TACC2: variants seen among roughly 807,000 people sequenced by gnomAD.
TACC2 encodes the protein transforming acidic coiled-coil-containing protein 2.
A neutral mutation model predicts 227.3 loss-of-function variants in TACC2; 137 were observed. The ratio of observed to expected loss-of-function variants is 0.60; its 90% CI spans 0.52 to 0.69. TACC2 has a LOEUF of 0.69. Among genes scored for constraint, TACC2 ranks in the 30% least tolerant of loss-of-function variants. TACC2 has a pLI of 0.00. For synonymous variants in TACC2, 1,523 were observed against 1,487.5 expected (o/e 1.02, Z -0.55); for missense variants, 3,470 against 3,694.4 (o/e 0.94, Z 1.57).
chr10:122,037,256 A>C (rs1274944610), intron 2 of TACC2, among the ~76,000 whole-genome samples: 3 of 152,260 alleles, frequency 2.0e-5, no homozygotes, highest in African/African-American at 7.2e-5. Flanking sequence ...TGAGCTGTGC[A>C]GCCAGGGAGC....
chr10:122,230,334 A>C lies in TACC2; in HGVS notation c.8038-17A>C, dbSNP rs757403932. ...TGATGCATTTCCCTGCGGTTTGCCCACACTCCCTGTGGGCAGGAGGAGTTA... is the reference window on the plus strand; with the variant it reads ...TGATGCATTTCCCTGCGGTTTGCCCCCACTCCCTGTGGGCAGGAGGAGTTA... On this transcript the variant is annotated splice_polypyrimidine_tract_variant and intron_variant, in intron 15 of 22. Coordinates refer to ENST00000369005, the MANE Select transcript of TACC2 (RefSeq NM_206862.4). 3.1e-6 allele frequency: 5 copies of C among 1,610,920 alleles called. No homozygotes were observed. The African/African-American group carries it at 6.7e-5, about 22-fold the overall frequency.
At chr10:122,052,419 A>AAG in intron 3 of TACC2, 3 of 152,046 alleles carry the variant, frequency 2.0e-5, no homozygotes, top group African/African-American at 7.2e-5. Flanking sequence ...AGCATAAAAG[A>AAG]GGTGCCCGTA....
chr10:122,082,562 G>C, intron 3 of TACC2, 85 bp from the exon 4 acceptor site: 1 of 1,465,174 alleles, frequency 6.8e-7, no homozygotes, highest in Middle Eastern at 2.0e-4. Context: ...GCCCTTTTGT[G>C]GGGGTGGGTT....
At chr10:122,057,684 G>A (rs1280259407) in intron 3 of TACC2, among the ~76,000 whole-genome samples, 3 of 152,004 alleles carry the variant, frequency 2.0e-5, no homozygotes, top group Non-Finnish European at 4.4e-5. Context: ...GCCAGGCATG[G>A]TGGTGGGCAC....
rs970841659 is a variant in TACC2, at chr10:122,016,545, C to T, written c.-45-5392C>T. Among the ~76,000 whole-genome samples, 7 of 144,012 alleles carry T rather than the reference C, an allele frequency of 4.9e-5. No individual in the cohort carries two copies. The Admixed American group carries it at 5.0e-4, about 10-fold the overall frequency. 94.5% of individuals were successfully genotyped at this position (144,012 alleles called of 152,430 possible). A position where few individuals can be genotyped will look rare whatever the true frequency, so the allele number is the denominator to read the frequency against. On this transcript the variant is annotated intron_variant, in intron 1 of 22. Coordinates refer to ENST00000369005, the MANE Select transcript of TACC2 (RefSeq NM_206862.4). ...TTGCACCACTGTACTCCAGCCTGGA[C>T]GACAGAATGAGACTCTGTCTTAAAA...
chr10:122,231,363 G>C (rs1306736543), intron 16 of TACC2, among the ~76,000 whole-genome samples: 1 of 146,604 alleles, frequency 6.8e-6, no homozygotes, highest in African/African-American at 2.5e-5. Flanking sequence ...CTGTGGCTTT[G>C]AACAAGTAGG....
intron 19 of TACC2, among the ~76,000 whole-genome samples, chr10:122,244,160 C>T (rs978326796): frequency 6.6e-6 from 1 of 152,182 alleles, no homozygotes; most frequent in Non-Finnish European, 1.5e-5. Flanking sequence ...GTTAGGGCCA[C>T]ACATCACCCC....
chr10:122,025,445 T>G (rs1224136772), intron 2 of TACC2, among the ~76,000 whole-genome samples: 1 of 151,964 alleles, frequency 6.6e-6, no homozygotes, highest in Non-Finnish European at 1.5e-5. Flanking sequence ...GTATTTTTAG[T>G]AGAGACGAGG....
At position 122,085,722 on chromosome 10, in the gene TACC2, G is replaced by C. The variant is rs755777292; in HGVS notation, c.3222G>C (p.Gln1074His). Residue 1074 changes from glutamine (Q) to histidine (H), a missense_variant, in exon 4 of 23, where the codon CAG becomes CAC. Transcript: ENST00000369005. ...APASPGVTPT[Q>H]DAPETEACDE... Reference sequence around the variant, plus strand: ...CCAGCCCCGGAGTCACACCCACCCAGGATGCCCCAGAGACAGAGGCATGTG... The same window carrying C: ...CCAGCCCCGGAGTCACACCCACCCACGATGCCCCAGAGACAGAGGCATGTG... 3 of 1,613,828 alleles carry C rather than the reference G, an allele frequency of 1.9e-6. No homozygotes were observed. The South Asian group carries it at 3.3e-5, about 18-fold the overall frequency.
intron 7 of TACC2, among the ~76,000 whole-genome samples, chr10:122,192,134 A>G (rs949125613): frequency 1.3e-5 from 2 of 152,224 alleles, no homozygotes; most frequent in Non-Finnish European, 2.9e-5. Flanking sequence ...CAAGACAGGC[A>G]GCACCGGAAG....
At chr10:122,007,232 GATTT>G (rs1174247657) in intron 1 of TACC2, among the ~76,000 whole-genome samples, 1 of 151,904 alleles carries the variant, frequency 6.6e-6, no homozygotes, top group Admixed American at 6.6e-5. Flanking sequence ...GGTGCCTTAT[GATTT>G]ATTTATTTCT....
At position 122,086,543 on chromosome 10, in the gene TACC2, C is replaced by A; in HGVS notation, c.4043C>A (p.Ala1348Glu). 1 of 1,607,936 alleles carries A rather than the reference C, an allele frequency of 6.2e-7. No individual in the cohort carries two copies. Among genetic ancestry groups the A allele is most frequent in the Non-Finnish European group, 8.5e-7 (1 of 1,176,852 alleles). Reference sequence around the variant, plus strand: ...CAGGCAACAGGGGAAGAGAAAGCAGCAACAGCTCCAGGTGCAGGTGCCAAG... The same window carrying A: ...CAGGCAACAGGGGAAGAGAAAGCAGAAACAGCTCCAGGTGCAGGTGCCAAG... Reference protein sequence around the residue: ...GKQATGEEKAATAPGAGAKAS... With the variant: ...GKQATGEEKAETAPGAGAKAS... Residue 1348 changes from alanine (A) to glutamate (E), a missense_variant, in exon 4 of 23, where the codon GCA (alanine) becomes GAA (glutamate). By Grantham distance (107) the Ala-to-Glu change is moderately radical. Around this residue, in one of 10 missense-constraint regions of TACC2, gnomAD observed 1,924 missense variants for 1,978.3 expected, o/e 0.97. Coordinates refer to ENST00000369005, the MANE Select transcript of TACC2 (RefSeq NM_206862.4).
intron 3 of TACC2, among the ~76,000 whole-genome samples, chr10:122,074,771 G>A (rs1476405575): frequency 6.6e-6 from 1 of 152,174 alleles, no homozygotes; most frequent in Non-Finnish European, 1.5e-5. Context: ...CTAGGTGACT[G>A]CAGAAGCTTA....
In TACC2 at chr10:122,210,491, C is replaced by T. The variant is rs769483248; in HGVS notation, c.6066C>T (p.Ala2022=). 9.9e-6 allele frequency: 16 copies of T among 1,613,892 alleles called. No individual in the cohort carries two copies. The highest frequency in any genetic ancestry group is 1.3e-5 in the African/African-American group (1 of 74,918). The change falls in exon 9 of 23, where the codon GCC becomes GCT. Residue 2022 remains alanine, a synonymous_variant. Coordinates refer to ENST00000369005, the MANE Select transcript of TACC2 (RefSeq NM_206862.4). This position sits in a 1 kb window ranked among gnomAD's most constrained non-coding sequence, Gnocchi z 4.6. ...PFRPPSHSFS[A]VFDEDKPIAS... is the part of the protein sequence containing the mutation. ...GTCCCCCGTCACACTCCTTCTCTGC[C>T]GTCTTCGATGAAGACAAGCCGATAG...
chr10:122,073,939 C>G (rs918688576), intron 3 of TACC2, among the ~76,000 whole-genome samples: 1 of 151,954 alleles, frequency 6.6e-6, no homozygotes, highest in African/African-American at 2.4e-5. Flanking sequence ...GCCACCATGC[C>G]CGGCTAATTT....
At chr10:122,067,649 G>A (rs191140363) in intron 3 of TACC2, among the ~76,000 whole-genome samples, 1 of 151,926 alleles carries the variant, frequency 6.6e-6, no homozygotes, top group Admixed American at 6.6e-5. Flanking sequence ...TGGAATTATA[G>A]GCGTATGCCA....
chr10:122,090,788 A>G (rs2080721327), intron 5 of TACC2, among the ~76,000 whole-genome samples: 1 of 151,912 alleles, frequency 6.6e-6, no homozygotes. Context: ...TCACTCTGTC[A>G]CCCAGGCTGG....
chr10:122,064,210 A>G (rs1291763480), intron 3 of TACC2, among the ~76,000 whole-genome samples: 1 of 151,680 alleles, frequency 6.6e-6, no homozygotes, highest in Admixed American at 6.6e-5. Flanking sequence ...TTATATATGT[A>G]TATGCACTTT....
chr10:122,031,629 T>C (rs1169013494), intron 2 of TACC2, among the ~76,000 whole-genome samples: 1 of 152,048 alleles, frequency 6.6e-6, no homozygotes, highest in African/African-American at 2.4e-5. Context: ...GGTCTCGATC[T>C]CCTGACCTTG....
Sources: allele counts gnomAD v4.1 joint callset (sites outside exome capture counted in the v4.1 genomes callset), GRCh38; gene constraint gnomAD v4.1.1; regional missense constraint gnomAD v4.1.1; non-coding constraint Gnocchi (gnomAD v3.1); transcripts MANE v1.5; gene names NCBI Gene and HGNC (gene_info 2026-07-23, HGNC 2026-07-21).